ZC3H7B: variants seen among roughly 807,000 people sequenced by gnomAD.
ZC3H7B encodes zinc finger CCCH domain-containing protein 7B.
In ZC3H7B, 35 loss-of-function variants were observed where a neutral mutation model predicts 116.0. The ratio of observed to expected loss-of-function variants is 0.30; its 90% confidence interval spans 0.23 to 0.40. The LOEUF (loss-of-function observed/expected upper bound fraction) is 0.40, where lower values mean the gene tolerates loss of function less well. Among genes scored for constraint, ZC3H7B ranks in the 10% least tolerant of loss-of-function variants. The pLI is 1.00. For missense variants in ZC3H7B, 1,011 were observed against 1,321.5 expected (o/e 0.77, Z 3.64); for synonymous variants, 502 against 545.6 (o/e 0.92, Z 1.11).
At chr22:41,307,037 G>A (rs1158839410) in intron 1 of ZC3H7B, among the ~76,000 whole-genome samples, 2 of 149,630 alleles carry the variant, frequency 1.3e-5, no homozygotes, top group Admixed American at 6.7e-5. Flanking sequence ...GCAGTGGTGC[G>A]ATCTTGGCTC....
rs781245703 is a variant in ZC3H7B, at chr22:41,355,869, G to T, written c.2274+7G>T. 3 of 1,613,490 alleles carry T rather than the reference G, an allele frequency of 1.9e-6. No homozygotes were observed. Among genetic ancestry groups the T allele is most frequent in the Admixed American group, 1.7e-5 (1 of 59,986 alleles). On this transcript the variant is annotated splice_region_variant and intron_variant, in intron 19 of 22. Transcript: ENST00000352645. Reference sequence around the variant, plus strand: ...CTTCCCACAGCAATACGATGTGAGCGCTGGGATGGGGGGCTGGGGGTCCCC... The same window carrying T: ...CTTCCCACAGCAATACGATGTGAGCTCTGGGATGGGGGGCTGGGGGTCCCC...
At chr22:41,353,495 A>G (rs1352136515) in intron 17 of ZC3H7B, among the ~76,000 whole-genome samples, 1 of 152,136 alleles carries the variant, frequency 6.6e-6, no homozygotes, top group African/African-American at 2.4e-5. Flanking sequence ...GATCACTGTA[A>G]CTGTAGATGA....
At chr22:41,328,471 A>C (rs1459005323) in intron 5 of ZC3H7B, among the ~76,000 whole-genome samples, 2 of 152,180 alleles carry the variant, frequency 1.3e-5, no homozygotes, top group African/African-American at 4.8e-5. Flanking sequence ...ATTGTCAGTG[A>C]GGTAGGAGGT....
intron 1 of ZC3H7B, 100 bp from the exon 2 acceptor site, chr22:41,320,553 AGT>A (rs1372426344): frequency 7.7e-7 from 1 of 1,295,860 alleles, no homozygotes; most frequent in Non-Finnish European, 1.1e-6. Context: ...AGGGAATGAG[AGT>A]GGGAGTGAGA....
At chr22:41,347,965 G>A in intron 14 of ZC3H7B, 102 bp from the exon 15 acceptor site, 1 of 977,138 alleles carries the variant, frequency 1.0e-6, no homozygotes, top group Non-Finnish European at 1.6e-6. Flanking sequence ...GGCAGGGCTT[G>A]CAGGGACCCA....
rs954170098 is a variant in ZC3H7B, at chr22:41,357,488, G to A, written c.*59G>A. ...TCAGGGGGTGGGGTGGGGCCAGAAG[G>A]CCTGATAGAAGGGTCAGGGCAGGCC... On this transcript the variant is annotated 3_prime_UTR_variant, in exon 23 of 23. Transcript: ENST00000352645. This position sits in a 1 kb window ranked among gnomAD's most constrained non-coding sequence, Gnocchi z 5.4. 5.2e-6 allele frequency: 7 copies of A among 1,354,574 alleles called. No homozygotes were observed. Among genetic ancestry groups the A allele is most frequent in the Admixed American group, 1.8e-5 (1 of 56,500 alleles). The allele number at this position is 1,354,574 out of a possible 1,614,324, so 83.9% of individuals were successfully genotyped here.
At chr22:41,337,648 G>T (rs1232801121) in intron 7 of ZC3H7B, among the ~76,000 whole-genome samples, 2 of 152,202 alleles carry the variant, frequency 1.3e-5, no homozygotes, top group Non-Finnish European at 2.9e-5. Context: ...CATCTGTGGT[G>T]CTGTGGGGGG....
In ZC3H7B at chr22:41,357,062, C is replaced by T; in HGVS notation, c.2682-115C>T. The T allele has an allele frequency of 6.7e-7, 1 of 1,501,084 alleles. No individual in the cohort carries two copies. The highest frequency in any genetic ancestry group is 8.9e-7 in the Non-Finnish European group (1 of 1,125,282). The allele number at this position is 1,501,084 out of a possible 1,614,324, so 93.0% of individuals were successfully genotyped here. A position where few individuals can be genotyped will look rare whatever the true frequency, so the allele number is the denominator to read the frequency against. On this transcript the variant is annotated intron_variant, in intron 22 of 22. Transcript: ENST00000352645. The surrounding 1 kb of genome is among the most constrained non-coding windows in gnomAD (Gnocchi z 5.4). The stretch of plus-strand genomic sequence containing the variant: ...CACCCAGGTTTTCCCTGAGCTGGGA[C>T]CCAGCTGCCCAGGGAGAGGCTTGTC...
intron 1 of ZC3H7B, among the ~76,000 whole-genome samples, chr22:41,306,726 C>CTGT (rs775745716): frequency 3.3e-5 from 5 of 152,150 alleles, no homozygotes; most frequent in Non-Finnish European, 7.3e-5. Context: ...CCCCATTTTA[C>CTGT]AGGTGAAGAA....
intron 7 of ZC3H7B, chr22:41,332,616 T>G (rs2143695): frequency 5.2e-6 from 1 of 192,454 alleles, no homozygotes; most frequent in Non-Finnish European, 1.1e-5. Context: ...TTCTCTGTCT[T>G]TTCGCTTTTC....
intron 5 of ZC3H7B, among the ~76,000 whole-genome samples, chr22:41,329,031 CAAAAAAA>C (rs905189346): frequency 1.7e-3 from 68 of 40,480 alleles, no homozygotes; most frequent in East Asian, 2.9e-3. Context: ...TACTAAAATA[CAAAAAAA>C]AAAAAAAAAA....
At chr22:41,316,818 G>A (rs2036190180) in intron 1 of ZC3H7B, among the ~76,000 whole-genome samples, 1 of 151,968 alleles carries the variant, frequency 6.6e-6, no homozygotes, top group Non-Finnish European at 1.5e-5. Flanking sequence ...AGGATTACAG[G>A]CGTGTGCCAC....
Position 41,330,012 on chromosome 22 carries a change from GT to G in ZC3H7B, c.445-10del, listed in dbSNP as rs1166651703. On this transcript the variant is annotated splice_polypyrimidine_tract_variant and intron_variant, in intron 5 of 22. Transcript: ENST00000352645. ...AGACTGACCCACCGCCCTGTGTCTT[GT>G]CCTCTGCAGGATGAAAGCGTGACTC... 1 of 1,613,624 alleles carries G rather than the reference GT, an allele frequency of 6.2e-7. No individual in the cohort carries two copies. Among genetic ancestry groups the G allele is most frequent in the Middle Eastern group, 1.6e-4 (1 of 6,062 alleles).
chr22:41,350,610 C>G (rs2036643701), intron 16 of ZC3H7B, among the ~76,000 whole-genome samples: 1 of 152,068 alleles, frequency 6.6e-6, no homozygotes, highest in South Asian at 2.1e-4. Context: ...AAGGTGGACT[C>G]TAAGATCAGA....
intron 1 of ZC3H7B, among the ~76,000 whole-genome samples, chr22:41,314,692 C>T (rs994916164): frequency 3.3e-5 from 5 of 151,558 alleles, no homozygotes; most frequent in South Asian, 2.1e-4. Context: ...TCACTGCAAC[C>T]GCTGCCTCAT....
At chr22:41,321,863 G>T in intron 2 of ZC3H7B, among the ~76,000 whole-genome samples, 1 of 90,954 alleles carries the variant, frequency 1.1e-5, no homozygotes, top group Non-Finnish European at 1.9e-5. Flanking sequence ...TTTTTGAGAC[G>T]GAGTCTCGCT....
intron 21 of ZC3H7B, 46 bp downstream of exon 21, chr22:41,356,522 G>A (rs2036720174): frequency 2.5e-6 from 4 of 1,612,146 alleles, no homozygotes; most frequent in Non-Finnish European, 3.4e-6. Flanking sequence ...CGGGGCTGTG[G>A]TCTGAGCCTC....
intron 15 of ZC3H7B, 50 bp downstream of exon 15, chr22:41,348,217 C>A: frequency 2.0e-6 from 3 of 1,534,170 alleles, no homozygotes; most frequent in South Asian, 2.2e-5. Context: ...AGTGGAGAGT[C>A]CCCTCAGGCA....
rs369755212 is a variant in ZC3H7B, at chr22:41,310,033, G to A, written c.-7+8261G>A. On this transcript the variant is annotated intron_variant, in intron 1 of 22. Coordinates refer to ENST00000352645, the MANE Select transcript of ZC3H7B (RefSeq NM_017590.6). The stretch of plus-strand genomic sequence containing the variant: ...ATCCTGGCTAACACAGTGAAACCCC[G>A]TCTCTACTAAAAATACAAAAAATTA... Among the ~76,000 whole-genome samples the A allele has an allele frequency of 3.3e-3, 507 of 151,870 alleles. 4 individuals are homozygous for A. The highest frequency in any genetic ancestry group is 0.011 in the African/African-American group (460 of 41,420).
Sources: gnomAD v4.1 joint callset for allele counts (sites outside exome capture counted in the v4.1 genomes callset) on GRCh38, gnomAD v4.1.1 for gene constraint, Gnocchi (gnomAD v3.1) non-coding constraint, MANE v1.5 for transcripts, NCBI Gene and HGNC (gene_info 2026-07-23, HGNC 2026-07-21) for gene names.